TMEM266: variants seen among roughly 807,000 people sequenced by gnomAD.
The protein encoded by TMEM266 is transmembrane protein 266, also known as Hv1 related protein 1.
Under a neutral mutation model 50.5 loss-of-function variants are expected in TMEM266, and 33 were observed. That is an observed-to-expected ratio of 0.65 (90% confidence interval 0.50 to 0.87). TMEM266 has a LOEUF of 0.87. Ranked by LOEUF, TMEM266 falls within the 40% of genes least tolerant of loss-of-function variation. The probability of loss-of-function intolerance (pLI) is 0.00; values close to 1 mark genes in which losing one functional copy is unlikely to be tolerated. For synonymous variants in TMEM266, 310 were observed against 292.3 expected (o/e 1.06, Z -0.62); for missense variants, 655 against 695.1 (o/e 0.94, Z 0.65).
chr15:76,180,414 T>C (rs2038380551), intron 8 of TMEM266, among the ~76,000 whole-genome samples: 1 of 152,016 alleles, frequency 6.6e-6, no homozygotes, highest in South Asian at 2.1e-4. Flanking sequence ...CTGATGTTTT[T>C]CCCAGGGTAA....
chr15:76,110,327 A>G (rs1437418035), intron 1 of TMEM266, among the ~76,000 whole-genome samples: 1 of 152,202 alleles, frequency 6.6e-6, no homozygotes, highest in Admixed American at 6.5e-5. Flanking sequence ...CTTTAGATCA[A>G]GCTTGTCCAA....
At position 76,089,473 on chromosome 15, in the gene TMEM266, T is replaced by A. The variant is rs377332626; in HGVS notation, c.-97+29457T>A. ...CTCCCAAAGTGCTGGGATTACAGGCTTGAGCCACCGCGCCCAGCCCAGAAG... is the reference window on the plus strand; with the variant it reads ...CTCCCAAAGTGCTGGGATTACAGGCATGAGCCACCGCGCCCAGCCCAGAAG... On this transcript the variant is annotated intron_variant, in intron 1 of 10. Coordinates refer to ENST00000388942, the MANE Select transcript of TMEM266 (RefSeq NM_152335.3). Among the ~76,000 whole-genome samples, 718 of 152,102 alleles carry A rather than the reference T, an allele frequency of 4.7e-3. 5 individuals carry two copies. The highest frequency in any genetic ancestry group is 0.016 in the African/African-American group (670 of 41,514).
chr15:76,197,559 T>G (rs576548827), intron 9 of TMEM266, among the ~76,000 whole-genome samples: 2 of 152,352 alleles, frequency 1.3e-5, no homozygotes, highest in African/African-American at 4.8e-5. Flanking sequence ...TAGAAGTTCT[T>G]CACTGAGAAG....
intron 5 of TMEM266, among the ~76,000 whole-genome samples, chr15:76,166,233 C>T (rs918566875): frequency 2.0e-5 from 3 of 151,520 alleles, no homozygotes; most frequent in African/African-American, 4.9e-5. Flanking sequence ...AAGGATGCTG[C>T]GGGGGGGAAA....
chr15:76,166,200 C>T (rs1364760213), intron 5 of TMEM266, among the ~76,000 whole-genome samples: 2 of 151,746 alleles, frequency 1.3e-5, no homozygotes, highest in African/African-American at 2.4e-5. Context: ...CAGTGGGTCT[C>T]GGCAAAGGTG....
intron 1 of TMEM266, among the ~76,000 whole-genome samples, chr15:76,074,450 A>G (rs1353055360): frequency 2.0e-5 from 3 of 152,090 alleles, no homozygotes; most frequent in East Asian, 1.9e-4. Flanking sequence ...ACAGCTTTGC[A>G]CTACCCCCAC....
intron 1 of TMEM266, among the ~76,000 whole-genome samples, chr15:76,110,505 G>T (rs1342019856): frequency 6.6e-6 from 1 of 152,154 alleles, no homozygotes; most frequent in Non-Finnish European, 1.5e-5. Flanking sequence ...GAAGCCAAAA[G>T]ATTGGACACC....
intron 1 of TMEM266, among the ~76,000 whole-genome samples, chr15:76,085,104 C>T (rs1490404818): frequency 2.7e-5 from 4 of 150,780 alleles, no homozygotes; most frequent in East Asian, 2.0e-4. Context: ...GGACTACAGG[C>T]GCCTGCCACC....
intron 1 of TMEM266, among the ~76,000 whole-genome samples, chr15:76,080,495 C>T (rs956598875): frequency 1.1e-4 from 16 of 151,440 alleles, no homozygotes; most frequent in Admixed American, 2.6e-4. Flanking sequence ...GTGATCCGCC[C>T]GCCTTAGCCT....
chr15:76,085,749 T>C (rs1240588273), intron 1 of TMEM266, among the ~76,000 whole-genome samples: 4 of 151,950 alleles, frequency 2.6e-5, no homozygotes, highest in Non-Finnish European at 4.4e-5. Flanking sequence ...AAAAAAGACA[T>C]ACAAAAATGT....
rs1596095726 is a variant in TMEM266 at position 76,087,612 on chromosome 15, C to G, written c.-97+27596C>G. On this transcript the variant is annotated intron_variant, in intron 1 of 10. Transcript: ENST00000388942. ...CCTGGAGTCATCAGGAGGTAGGCAT[C>G]GTTGAAATAATCATGAATGAGAGAG... Among the ~76,000 whole-genome samples, 4 of 151,956 alleles carry G rather than the reference C, an allele frequency of 2.6e-5. No individual in the cohort carries two copies. In the South Asian group the frequency reaches 8.3e-4, roughly 32 times the overall value.
chr15:76,077,979 G>T (rs1400988497), intron 1 of TMEM266, among the ~76,000 whole-genome samples: 1 of 152,100 alleles, frequency 6.6e-6, no homozygotes, highest in Non-Finnish European at 1.5e-5. Context: ...GACCTTCTTT[G>T]TAAGGGAGGC....
intron 8 of TMEM266, chr15:76,178,659 G>A (rs565624390): frequency 1.3e-5 from 2 of 152,304 alleles, no homozygotes; most frequent in East Asian, 1.9e-4. Context: ...GGTTCCTGCC[G>A]TCCTGGTTCA....
Position 76,203,901 on chromosome 15 carries a change from C to T in TMEM266, c.1182C>T (p.Val394=), listed in dbSNP as rs772367644. The T allele has an allele frequency of 1.2e-6, 2 of 1,614,036 alleles. No individual in the cohort carries two copies. The highest frequency in any genetic ancestry group is 1.7e-6 in the Non-Finnish European group (2 of 1,180,042). Reference sequence around the variant, plus strand: ...CGGAGAGTGCCTCCCGCAGCTCAGTCACCCGGGCCCAGAGTGACAGCAGCC... The same window carrying T: ...CGGAGAGTGCCTCCCGCAGCTCAGTTACCCGGGCCCAGAGTGACAGCAGCC... The change falls in exon 11 of 11, where the codon GTC becomes GTT. Residue 394 remains valine, a synonymous_variant. Coordinates refer to ENST00000388942, the MANE Select transcript of TMEM266 (RefSeq NM_152335.3).
intron 3 of TMEM266, among the ~76,000 whole-genome samples, chr15:76,152,596 G>T (rs954534356): frequency 5.3e-5 from 8 of 152,138 alleles, no homozygotes; most frequent in African/African-American, 1.9e-4. Context: ...GTACTTCGGG[G>T]CTGAATAGAA....
intron 8 of TMEM266, among the ~76,000 whole-genome samples, chr15:76,187,794 A>G (rs2038510417): frequency 6.6e-6 from 1 of 152,108 alleles, no homozygotes; most frequent in Non-Finnish European, 1.5e-5. Context: ...GTGCAGCTCA[A>G]TTGGTGGTTG....
intron 1 of TMEM266, among the ~76,000 whole-genome samples, chr15:76,102,599 G>A (rs2037015785): frequency 6.6e-6 from 1 of 152,114 alleles, no homozygotes; most frequent in South Asian, 2.1e-4. Context: ...AGCACTTTGG[G>A]AAGCCAAGGT....
At chr15:76,120,875 G>A (rs1412434702) in intron 1 of TMEM266, among the ~76,000 whole-genome samples, 4 of 151,954 alleles carry the variant, frequency 2.6e-5, no homozygotes, top group African/African-American at 7.3e-5. Context: ...TAATGTGGGG[G>A]AAGCAGGAAA....
rs547479386 is a variant in TMEM266, at chr15:76,100,083, T to C, written c.-96-34085T>C. On this transcript the variant is annotated intron_variant, in intron 1 of 10. Transcript: ENST00000388942. ...TCCCTCAACACATGGGGATTACAAG[T>C]TGAGATGAGATTTGGGTGGGGACAC... Among the ~76,000 whole-genome samples, 174 of 152,114 alleles carry C rather than the reference T, an allele frequency of 1.1e-3. 1 individual carries two copies. The highest frequency in any genetic ancestry group is 1.7e-3 in the Non-Finnish European group (113 of 67,976).
Sources: allele counts gnomAD v4.1 joint callset (sites outside exome capture counted in the v4.1 genomes callset), GRCh38; gene constraint gnomAD v4.1.1; transcripts MANE v1.5; gene names NCBI Gene and HGNC (gene_info 2026-07-23, HGNC 2026-07-21).